The following SULT2B1 variants were observed in gnomAD, a reference collection of about 807,000 sequenced individuals.
SULT2B1 encodes sulfotransferase 2B1.
A neutral mutation model predicts 33.2 loss-of-function variants in SULT2B1; 16 were observed. The ratio of observed to expected loss-of-function variants is 0.48; its 90% confidence interval spans 0.33 to 0.73. The LOEUF is 0.73. Among genes scored for constraint, SULT2B1 ranks in the 30% least tolerant of loss-of-function variants. The pLI is 0.02. For missense variants in SULT2B1, 500 were observed against 506.0 expected, an observed-to-expected ratio of 0.99 and a Z score of 0.11; for synonymous variants, 186 against 200.5, an observed-to-expected ratio of 0.93 and a Z score of 0.61.
At chr19:48,565,518 T>C (rs1453546514) in intron 1 of SULT2B1, among the ~76,000 whole-genome samples, 3 of 151,804 alleles carry the variant, frequency 2.0e-5, no homozygotes, top group Non-Finnish European at 1.5e-5. Context: ...TAGCTGGGAT[T>C]ACAGGTGTGC....
At position 48,596,748 on chromosome 19, in the gene SULT2B1, G is replaced by A. The variant is rs770390968; in HGVS notation, c.655G>A (p.Gly219Ser). 8.1e-6 allele frequency: 13 copies of A among 1,604,318 alleles called. No homozygotes were observed. The highest frequency in any genetic ancestry group is 1.1e-5 in the Non-Finnish European group (13 of 1,179,396). Residue 219 changes from glycine to serine, a missense_variant, in exon 6 of 7, where the codon GGC (glycine) becomes AGC (serine). Gly to Ser is a moderately conservative substitution (Grantham distance 56). Coordinates refer to ENST00000201586, the MANE Select transcript of SULT2B1 (RefSeq NM_177973.2). The stretch of plus-strand genomic sequence containing the variant: ...TCTCCCCTGCCTGCAGGACTTACAG[G>A]GCTCCGTGGAGCGCATCTGTGGGTT... The part of the protein sequence containing the change: ...TYEELQQDLQ[G>S]SVERICGFLG...
chr19:48,587,199 C>T, intron 2 of SULT2B1, 30 bp from the exon 3 acceptor site: 1 of 1,545,704 alleles, frequency 6.5e-7, no homozygotes. Context: ...CCTCCCACAC[C>T]CAATTAATCT....
At chr19:48,583,595 A>C (rs1601104895) in intron 2 of SULT2B1, among the ~76,000 whole-genome samples, 1 of 152,216 alleles carries the variant, frequency 6.6e-6, no homozygotes, top group Non-Finnish European at 1.5e-5. Flanking sequence ...AGGCGGGCGG[A>C]TCACCTGAGG....
chr19:48,571,211 A>ATTTATTTATTTATTTATTTAT lies in SULT2B1; in HGVS notation c.72-4727_72-4726insATTTATTTATTTATTTATTTT, dbSNP rs36014830. ...AATTTATTTATTTATTTATTTATTT[A>ATTTATTTATTTATTTATTTAT]TTTTGAGATGGAGTTTCGCTCTGTC... On this transcript the variant is annotated intron_variant, in intron 1 of 6. Coordinates refer to ENST00000201586, the MANE Select transcript of SULT2B1 (RefSeq NM_177973.2). 2.0e-3 allele frequency among the ~76,000 whole-genome samples: 285 copies of ATTTATTTATTTATTTATTTAT among 144,352 alleles called. 1 individual carries two copies. The highest frequency in any genetic ancestry group is 7.2e-3 in the Middle Eastern group (2 of 276). The allele number at this position is 144,352 out of a possible 152,430, so 94.7% of individuals were successfully genotyped here. A position where few individuals can be genotyped will look rare whatever the true frequency, so the allele number is the denominator to read the frequency against.
chr19:48,553,458 C>A (rs1245414417), intron 1 of SULT2B1, among the ~76,000 whole-genome samples: 1 of 152,186 alleles, frequency 6.6e-6, no homozygotes, highest in African/African-American at 2.4e-5. Context: ...CAGGAGCCCG[C>A]CACCATGCCC....
intron 2 of SULT2B1, among the ~76,000 whole-genome samples, chr19:48,583,588 C>A (rs1481807584): frequency 2.0e-5 from 3 of 152,216 alleles, no homozygotes; most frequent in African/African-American, 2.4e-5. Context: ...GAGGCCGAGG[C>A]GGGCGGATCA....
intron 6 of SULT2B1, among the ~76,000 whole-genome samples, chr19:48,597,439 G>T (rs1973734598): frequency 6.7e-6 from 1 of 149,690 alleles, no homozygotes; most frequent in South Asian, 2.1e-4. Flanking sequence ...CACCTCCCAG[G>T]TTCAAGTGAT....
chr19:48,560,500 T>C (rs530321858), intron 1 of SULT2B1, among the ~76,000 whole-genome samples: 1 of 152,072 alleles, frequency 6.6e-6, no homozygotes, highest in African/African-American at 2.4e-5. Flanking sequence ...GTCACCCTTA[T>C]GGTTTCCATG....
intron 3 of SULT2B1, 83 bp from the exon 4 acceptor site, chr19:48,591,526 G>T: frequency 6.8e-7 from 1 of 1,477,118 alleles, no homozygotes; most frequent in Non-Finnish European, 9.1e-7. Flanking sequence ...AGAAGAGAGG[G>T]GTCTCCAGGG....
intron 2 of SULT2B1, among the ~76,000 whole-genome samples, chr19:48,583,750 G>A (rs989218386): frequency 2.0e-5 from 3 of 152,108 alleles, no homozygotes; most frequent in African/African-American, 7.2e-5. Flanking sequence ...CCCAGGAGGC[G>A]GAGGTTGCAG....
intron 1 of SULT2B1, among the ~76,000 whole-genome samples, chr19:48,556,981 G>A (rs527422095): frequency 6.6e-6 from 1 of 151,910 alleles, no homozygotes; most frequent in African/African-American, 2.4e-5. Context: ...GGCCAGGCAT[G>A]GTGGCTCCTG....
chr19:48,557,753 C>T (rs888197379), intron 1 of SULT2B1, among the ~76,000 whole-genome samples: 1 of 151,388 alleles, frequency 6.6e-6, no homozygotes, highest in Admixed American at 6.6e-5. Flanking sequence ...CCCGTCTCTA[C>T]TAAAAATAGA....
At chr19:48,555,602 C>A (rs937232980) in intron 1 of SULT2B1, among the ~76,000 whole-genome samples, 3 of 138,754 alleles carry the variant, frequency 2.2e-5, no homozygotes, top group African/African-American at 8.3e-5. Context: ...TGAGACAGAG[C>A]CTTGCTCTGT....
At chr19:48,557,951 A>C (rs939527141) in intron 1 of SULT2B1, among the ~76,000 whole-genome samples, 4 of 152,160 alleles carry the variant, frequency 2.6e-5, no homozygotes, top group African/African-American at 7.2e-5. Flanking sequence ...AAATTAAAAA[A>C]AATAAAATCG....
chr19:48,599,011 T>C lies in SULT2B1; in HGVS notation c.827-124T>C. ...GCAATGTGGAGGGTAGGGAGGACGG[T>C]GTTTCTGGCAAAGGGAACACCTCGC... On this transcript the variant is annotated intron_variant, in intron 6 of 6. Coordinates refer to ENST00000201586, the MANE Select transcript of SULT2B1 (RefSeq NM_177973.2). The surrounding 1 kb of genome is among the most constrained non-coding windows in gnomAD (Gnocchi z 4.1). 1.4e-6 allele frequency: 2 copies of C among 1,454,618 alleles called. No individual in the cohort carries two copies. Among genetic ancestry groups the C allele is most frequent in the Non-Finnish European group, 9.1e-7 (1 of 1,102,210 alleles). 90.1% of individuals were successfully genotyped at this position (1,454,618 alleles called of 1,614,324 possible).
intron 2 of SULT2B1, among the ~76,000 whole-genome samples, chr19:48,579,628 C>G (rs1268932153): frequency 1.2e-4 from 3 of 25,174 alleles, no homozygotes; most frequent in African/African-American, 3.5e-4. Context: ...TTTTTTGAGA[C>G]GAAGTCTCGC....
intron 5 of SULT2B1, among the ~76,000 whole-genome samples, chr19:48,593,557 A>T (rs912278834): frequency 3.9e-5 from 6 of 152,146 alleles, no homozygotes; most frequent in Non-Finnish European, 7.3e-5. Flanking sequence ...GTTCCAAAAA[A>T]TAGAAAGAAA....
At chr19:48,571,681 A>T (rs1973331018) in intron 1 of SULT2B1, among the ~76,000 whole-genome samples, 1 of 122,280 alleles carries the variant, frequency 8.2e-6, no homozygotes, top group Non-Finnish European at 1.7e-5. Flanking sequence ...AGGCTCATGG[A>T]GCTTACATGC....
At chr19:48,553,994 T>TCTGCCAGCTGGTCATAAAACGCC (rs1206551245) in intron 1 of SULT2B1, among the ~76,000 whole-genome samples, 1 of 151,844 alleles carries the variant, frequency 6.6e-6, no homozygotes, top group African/African-American at 2.4e-5. Context: ...CCGCGACGGC[T>TCTGCCAGCTGGTCATAAAACGCC]CTGCCAGCTG....
Sources: gnomAD v4.1 joint callset for allele counts (sites outside exome capture counted in the v4.1 genomes callset) on GRCh38, gnomAD v4.1.1 for gene constraint, Gnocchi (gnomAD v3.1) non-coding constraint, MANE v1.5 for transcripts, NCBI Gene and HGNC (gene_info 2026-07-23, HGNC 2026-07-21) for gene names.